SPATA13: variants seen among roughly 807,000 people sequenced by gnomAD.
The protein encoded by SPATA13 is spermatogenesis-associated protein 13.
SPATA13 carries 50 observed loss-of-function variants against 104.0 expected under a neutral mutation model. The ratio of observed to expected loss-of-function variants is 0.48; its 90% CI spans 0.38 to 0.61. SPATA13 has a LOEUF of 0.61. Ranked by LOEUF, SPATA13 falls within the 20% of genes least tolerant of loss-of-function variation. SPATA13 has a pLI of 0.00. For synonymous variants in SPATA13, 606 were observed against 667.5 expected, an observed-to-expected ratio of 0.91 and a Z score of 1.42; for missense variants, 1,524 against 1,690.6, an observed-to-expected ratio of 0.90 and a Z score of 1.73.
intron 3 of SPATA13, among the ~76,000 whole-genome samples, chr13:24,117,517 G>T (rs1880885237): frequency 6.6e-6 from 1 of 152,132 alleles, no homozygotes; most frequent in African/African-American, 2.4e-5. Flanking sequence ...GTCAGTTTTT[G>T]ATTCATTCCT....
At chr13:24,228,102 T>G in intron 2 of SPATA13, among the ~76,000 whole-genome samples, 1 of 143,088 alleles carries the variant, frequency 7.0e-6, no homozygotes, top group Non-Finnish European at 1.5e-5. Context: ...TCTCCCCTCT[T>G]GTACTCTTTT....
chr13:24,146,059 G>A (rs968942981), intron 3 of SPATA13, among the ~76,000 whole-genome samples: 5 of 152,214 alleles, frequency 3.3e-5, no homozygotes, highest in Admixed American at 6.5e-5. Flanking sequence ...GGAGAGCTTT[G>A]GCAGCCAGGA....
chr13:24,017,156 C>T (rs567316031), intron 2 of SPATA13, among the ~76,000 whole-genome samples: 3 of 152,190 alleles, frequency 2.0e-5, no homozygotes, highest in Non-Finnish European at 2.9e-5. Context: ...TCCTGAGTTA[C>T]GAATAGAGAA....
intron 3 of SPATA13, chr13:24,123,765 T>A: frequency 7.6e-7 from 1 of 1,321,622 alleles, no homozygotes; most frequent in Non-Finnish European, 1.1e-6. Flanking sequence ...GCCTTGTATA[T>A]GGGGCTTTGG....
intron 3 of SPATA13, among the ~76,000 whole-genome samples, chr13:24,084,611 T>G (rs1264269825): frequency 1.3e-5 from 2 of 152,204 alleles, no homozygotes; most frequent in African/African-American, 4.8e-5. Context: ...AGTTCTGTCC[T>G]GAGGGTCTCT....
intron 2 of SPATA13, among the ~76,000 whole-genome samples, chr13:23,987,740 T>C (rs1875220005): frequency 6.6e-6 from 1 of 151,124 alleles, no homozygotes; most frequent in Non-Finnish European, 1.5e-5. Context: ...CAGAACTCTT[T>C]TTATTTTACA....
At chr13:24,100,536 T>C (rs9511049) in intron 3 of SPATA13, among the ~76,000 whole-genome samples, 72,163 of 152,002 alleles carry the variant, frequency 0.47, 17,440 homozygotes, top group African/African-American at 0.53. Context: ...CATCTTGTAG[T>C]GATGGAATGT....
chr13:24,295,834 A>T (rs1407545733), intron 10 of SPATA13, among the ~76,000 whole-genome samples: 1 of 152,172 alleles, frequency 6.6e-6, no homozygotes, highest in Non-Finnish European at 1.5e-5. Context: ...CACTATTATT[A>T]TACCCATTTA....
At position 24,306,985 on chromosome 13, in the gene SPATA13, AT is replaced by A. The variant is rs1877618907; in HGVS notation, c.*4214del. ...TTGTTGAAGTTTTTTGTAAAAAAAAATTATTTACAATGTTATTTGAATGATT... is the reference window on the plus strand; with the variant it reads ...TTGTTGAAGTTTTTTGTAAAAAAAAATATTTACAATGTTATTTGAATGATT... On this transcript the variant is annotated 3_prime_UTR_variant, in exon 13 of 13. Coordinates refer to ENST00000382108, the MANE Select transcript of SPATA13 (RefSeq NM_001166271.3). 1.3e-5 allele frequency: 2 copies of A among 152,270 alleles called. No individual in the cohort carries two copies. The highest frequency in any genetic ancestry group is 2.1e-4 in the South Asian group (1 of 4,832). 9.4% of individuals were successfully genotyped at this position (152,270 alleles called of 1,614,324 possible).
At chr13:24,018,212 A>G (rs974311735) in intron 3 of SPATA13, among the ~76,000 whole-genome samples, 2 of 152,210 alleles carry the variant, frequency 1.3e-5, no homozygotes, top group Non-Finnish European at 2.9e-5. Context: ...TTTTAATAGA[A>G]ATGTGCACGT....
At chr13:24,171,536 A>T (rs1882968007) in intron 1 of SPATA13, among the ~76,000 whole-genome samples, 1 of 152,236 alleles carries the variant, frequency 6.6e-6, no homozygotes, top group Non-Finnish European at 1.5e-5. Context: ...GGAGCAGCAT[A>T]CAGGGCTGAT....
intron 12 of SPATA13, among the ~76,000 whole-genome samples, chr13:24,301,597 G>T (rs1160817770): frequency 2.0e-5 from 3 of 152,202 alleles, no homozygotes; most frequent in Non-Finnish European, 4.4e-5. Flanking sequence ...GGTGGCTACC[G>T]GGTGGGACGC....
rs1870650894 is a variant in SPATA13 at position 24,205,469 on chromosome 13, G to A, written c.-111-17350G>A. Among the ~76,000 whole-genome samples, 1 of 152,108 alleles carries A rather than the reference G, an allele frequency of 6.6e-6. No individual in the cohort carries two copies. Among genetic ancestry groups the A allele is most frequent in the African/African-American group, 2.4e-5 (1 of 41,418 alleles). On this transcript the variant is annotated intron_variant, in intron 1 of 12. Transcript: ENST00000382108. This position sits in a 1 kb window ranked among gnomAD's most constrained non-coding sequence, Gnocchi z 4.1. ...CAAATGGAAAAACACTCCATGCTAT[G>A]GATAGGAGGAATCAATATCATAAAA...
chr13:24,209,113 G>A (rs1460192275), intron 1 of SPATA13, among the ~76,000 whole-genome samples: 3 of 152,176 alleles, frequency 2.0e-5, no homozygotes, highest in Non-Finnish European at 2.9e-5. Context: ...CGGAGGTGCA[G>A]AGATAGACAT....
At chr13:24,294,418 T>C (rs1266799569) in intron 9 of SPATA13, among the ~76,000 whole-genome samples, 3 of 152,260 alleles carry the variant, frequency 2.0e-5, no homozygotes, top group Non-Finnish European at 4.4e-5. Flanking sequence ...TCTTTCTGTA[T>C]TAATGAAAGT....
rs77461881 is a variant in SPATA13, at chr13:24,286,596, C to T, written c.2482-169C>T. Reference sequence around the variant, plus strand: ...TTGCTCGGTGTTTCTCTGTGGTCCTCGTGCCTGCTGGCATAGCCGCAGCCC... The same window carrying T: ...TTGCTCGGTGTTTCTCTGTGGTCCTTGTGCCTGCTGGCATAGCCGCAGCCC... On this transcript the variant is annotated intron_variant, in intron 6 of 12. Transcript: ENST00000382108. This position sits in a 1 kb window ranked among gnomAD's most constrained non-coding sequence, Gnocchi z 4.9. Among the ~76,000 whole-genome samples the T allele has an allele frequency of 5.8e-3, 881 of 152,198 alleles. 12 individuals are homozygous for T. Among genetic ancestry groups the T allele is most frequent in the African/African-American group, 0.02 (828 of 41,522 alleles).
intron 3 of SPATA13, among the ~76,000 whole-genome samples, chr13:24,057,185 C>G (rs1331898251): frequency 6.6e-6 from 1 of 151,920 alleles, no homozygotes; most frequent in Admixed American, 6.6e-5. Context: ...CACCCACTAA[C>G]TCGCCATTTA....
At chr13:24,100,573 A>T (rs1468282972) in intron 3 of SPATA13, among the ~76,000 whole-genome samples, 1 of 152,066 alleles carries the variant, frequency 6.6e-6, no homozygotes, top group African/African-American at 2.4e-5. Flanking sequence ...GATTGATTTG[A>T]TTTGAGTCTC....
intron 3 of SPATA13, among the ~76,000 whole-genome samples, chr13:24,020,466 G>A (rs1876927110): frequency 6.6e-6 from 1 of 152,148 alleles, no homozygotes; most frequent in Non-Finnish European, 1.5e-5. Flanking sequence ...ATTTGAGTTG[G>A]AAACCATTCT....
Sources: gnomAD v4.1 joint callset for allele counts (sites outside exome capture counted in the v4.1 genomes callset) on GRCh38, gnomAD v4.1.1 for gene constraint, Gnocchi (gnomAD v3.1) non-coding constraint, MANE v1.5 for transcripts, NCBI Gene and HGNC (gene_info 2026-07-23, HGNC 2026-07-21) for gene names.